PRKN: variants seen among roughly 807,000 people sequenced by gnomAD.
PRKN encodes parkin RBR E3 ubiquitin protein ligase, also known as E3 ubiquitin-protein ligase parkin.
A neutral mutation model predicts 59.5 loss-of-function variants in PRKN; 56 were observed. That is an observed-to-expected ratio of 0.94 (90% CI 0.76 to 1.18). The LOEUF is 1.18. Among genes scored for constraint, PRKN ranks in the 50% most tolerant of loss-of-function variants. The pLI is 0.00. For synonymous variants in PRKN, 250 were observed against 222.1 expected, an observed-to-expected ratio of 1.13 and a Z score of -1.12; for missense variants, 657 against 596.4, an observed-to-expected ratio of 1.10 and a Z score of -1.06.
intron 5 of PRKN, among the ~76,000 whole-genome samples, chr6:162,022,570 T>A (rs959555078): frequency 6.6e-6 from 1 of 152,212 alleles, no homozygotes; most frequent in African/African-American, 2.4e-5. Context: ...TTCTAGATAT[T>A]AGTCTTTTAT....
intron 1 of PRKN, among the ~76,000 whole-genome samples, chr6:162,654,385 C>T (rs1778560277): frequency 6.6e-6 from 1 of 152,180 alleles, no homozygotes; most frequent in Admixed American, 6.5e-5. Flanking sequence ...TGCATAAAAT[C>T]ACACAGCTGT....
chr6:161,774,584 G>A (rs1789841527), intron 7 of PRKN, among the ~76,000 whole-genome samples: 1 of 152,156 alleles, frequency 6.6e-6, no homozygotes, highest in Admixed American at 6.5e-5. Flanking sequence ...CCATGAAGAG[G>A]ATCGAGCTGA....
intron 6 of PRKN, among the ~76,000 whole-genome samples, chr6:161,793,347 G>T (rs1387730194): frequency 6.6e-6 from 1 of 152,010 alleles, no homozygotes; most frequent in Non-Finnish European, 1.5e-5. Context: ...CTCTGCTCAT[G>T]TTCTCCCTGT....
intron 7 of PRKN, among the ~76,000 whole-genome samples, chr6:161,612,618 G>A (rs1364076005): frequency 6.6e-6 from 1 of 151,692 alleles, no homozygotes; most frequent in African/African-American, 2.4e-5. Context: ...CTACTCAGGA[G>A]GCCGAGGCAG....
intron 2 of PRKN, among the ~76,000 whole-genome samples, chr6:162,425,633 C>G (rs1446964930): frequency 6.6e-6 from 1 of 152,076 alleles, no homozygotes; most frequent in South Asian, 2.1e-4. Flanking sequence ...AAAAATGGTA[C>G]AACTATGAAT....
chr6:161,511,225 G>A (rs562210073), intron 9 of PRKN, among the ~76,000 whole-genome samples: 2 of 152,236 alleles, frequency 1.3e-5, no homozygotes, highest in Admixed American at 6.5e-5. Context: ...CTTAAATCAC[G>A]GCACTGCAGG....
At position 161,352,726 on chromosome 6, in the gene PRKN, A is replaced by AGTGTGTGTGTGTGTGTGT. The variant is rs373703677; in HGVS notation, c.1286-2533_1286-2516dup. 2.1e-3 allele frequency among the ~76,000 whole-genome samples: 276 copies of AGTGTGTGTGTGTGTGTGT among 128,486 alleles called. 1 individual carries two copies. The highest frequency in any genetic ancestry group is 6.8e-3 in the South Asian group (25 of 3,696). The allele number at this position is 128,486 out of a possible 152,430, so 84.3% of individuals were successfully genotyped here. The stretch of plus-strand genomic sequence containing the variant: ...TATATAAACACAAATATGTATGAAG[A>AGTGTGTGTGTGTGTGTGT]GTGTGTGTGTGTGTGTGTGTGTGTG... On this transcript the variant is annotated intron_variant, in intron 11 of 11. Coordinates refer to ENST00000366898, the MANE Select transcript of PRKN (RefSeq NM_004562.3). The surrounding 1 kb of genome is among the most constrained non-coding windows in gnomAD (Gnocchi z 5.8).
rs941293151 is a variant in PRKN, at chr6:161,386,580, T to C, written c.1167+214A>G. On this transcript the variant is annotated intron_variant, in intron 10 of 11. Transcript: ENST00000366898. The surrounding 1 kb of genome is among the most constrained non-coding windows in gnomAD (Gnocchi z 4.3). ...ATATCTGCCCAGGGAAAAGCTATTT[T>C]GGACATGCCCCAAGTGGCCACTGGG... Among the ~76,000 whole-genome samples, 2 of 152,212 alleles carry C rather than the reference T, an allele frequency of 1.3e-5. No individual in the cohort carries two copies. The highest frequency in any genetic ancestry group is 2.9e-5 in the Non-Finnish European group (2 of 68,034).
At chr6:161,663,074 G>GCT (rs908522971) in intron 7 of PRKN, among the ~76,000 whole-genome samples, 5 of 152,138 alleles carry the variant, frequency 3.3e-5, no homozygotes, top group East Asian at 1.9e-4. Flanking sequence ...CCCTGAACAT[G>GCT]CTCTCTCTCT....
rs1781819033 is a variant in PRKN at position 161,593,960 on chromosome 6, G to A, written c.872-24544C>T. On this transcript the variant is annotated intron_variant, in intron 7 of 11. Coordinates refer to ENST00000366898, the MANE Select transcript of PRKN (RefSeq NM_004562.3). This position sits in a 1 kb window ranked among gnomAD's most constrained non-coding sequence, Gnocchi z 4.8. ...AGGTCAGGAGTTTGAGACCAGCCTG[G>A]CCAACATAGTGAAACCCCATCTCTA... 6.6e-6 allele frequency among the ~76,000 whole-genome samples: 1 copy of A among 151,232 alleles called. No individual in the cohort carries two copies. Among genetic ancestry groups the A allele is most frequent in the African/African-American group, 2.4e-5 (1 of 41,082 alleles).
chr6:162,216,117 T>C (rs1777639628), intron 3 of PRKN, among the ~76,000 whole-genome samples: 1 of 152,174 alleles, frequency 6.6e-6, no homozygotes, highest in Admixed American at 6.5e-5. Flanking sequence ...GGATGGGGAA[T>C]AGCTGCAGCC....
chr6:162,471,974 G>A (rs940834310), intron 1 of PRKN, among the ~76,000 whole-genome samples: 3 of 152,148 alleles, frequency 2.0e-5, no homozygotes, highest in Non-Finnish European at 2.9e-5. Flanking sequence ...TCCTTGCTGG[G>A]CACCTGGTCC....
chr6:162,394,310 C>T (rs1179275961), intron 2 of PRKN, among the ~76,000 whole-genome samples: 1 of 152,088 alleles, frequency 6.6e-6, no homozygotes, highest in East Asian at 1.9e-4. Context: ...TTAGAGAGGT[C>T]CTGGCCTAAA....
At chr6:162,346,330 A>G (rs1434507259) in intron 2 of PRKN, among the ~76,000 whole-genome samples, 1 of 151,738 alleles carries the variant, frequency 6.6e-6, no homozygotes, top group Admixed American at 6.6e-5. Context: ...ATTAATGAAA[A>G]TTTGGCTGGG....
At chr6:162,604,661 A>G (rs1233082798) in intron 1 of PRKN, among the ~76,000 whole-genome samples, 1 of 149,986 alleles carries the variant, frequency 6.7e-6, no homozygotes. Flanking sequence ...GACAAACAAT[A>G]GCCTTTTCCC....
chr6:162,636,657 G>A (rs56171620), intron 1 of PRKN, among the ~76,000 whole-genome samples: 9,699 of 152,202 alleles, frequency 0.064, 1,002 homozygotes, highest in African/African-American at 0.21. Context: ...GCAGACATTT[G>A]GTGAATGAAA....
chr6:161,680,775 A>ATTTTTTTTTTTTTT (rs869253616), intron 7 of PRKN, among the ~76,000 whole-genome samples: 5 of 30,638 alleles, frequency 1.6e-4, no homozygotes, highest in African/African-American at 5.8e-4. Context: ...ATATATATAT[A>ATTTTTTTTTTTTTT]TTTTTTTTTT....
intron 2 of PRKN, among the ~76,000 whole-genome samples, chr6:162,397,571 G>A (rs1173287722): frequency 6.6e-6 from 1 of 152,008 alleles, no homozygotes; most frequent in Non-Finnish European, 1.5e-5. Context: ...TTTGTTTACA[G>A]GGACAACTAT....
chr6:162,629,770 G>T (rs1583941295), intron 1 of PRKN, among the ~76,000 whole-genome samples: 1 of 152,160 alleles, frequency 6.6e-6, no homozygotes, highest in South Asian at 2.1e-4. Context: ...TTTGGGACAT[G>T]TGCTTTAAAC....
Sources: allele counts gnomAD v4.1 joint callset (sites outside exome capture counted in the v4.1 genomes callset), GRCh38; gene constraint gnomAD v4.1.1; non-coding constraint Gnocchi (gnomAD v3.1); transcripts MANE v1.5; gene names NCBI Gene and HGNC (gene_info 2026-07-23, HGNC 2026-07-21).